The following MTMR3 variants were observed in gnomAD, a reference collection of about 807,000 sequenced individuals.
MTMR3 encodes the protein myotubularin related protein 3, also known as phosphatidylinositol-3,5-bisphosphate 3-phosphatase MTMR3.
A neutral mutation model predicts 132.4 loss-of-function variants in MTMR3; 32 were observed. That is an observed-to-expected ratio of 0.24 (90% CI 0.18 to 0.32). The LOEUF (loss-of-function observed/expected upper bound fraction) is 0.32. MTMR3 is among the 10% of genes least tolerant of loss of function. The pLI is 1.00. For missense variants in MTMR3, 1,216 were observed against 1,489.6 expected (o/e 0.82, Z 3.02); for synonymous variants, 556 against 550.3 (o/e 1.01, Z -0.14).
intron 15 of MTMR3, 81 bp downstream of exon 15, chr22:30,016,779 G>T: frequency 6.9e-7 from 1 of 1,453,896 alleles, no homozygotes; most frequent in Non-Finnish European, 9.3e-7. Flanking sequence ...TTTGAGTAGT[G>T]ACTGTTTTTG....
At chr22:30,007,400 A>T (rs1324982830) in intron 10 of MTMR3, 81 bp downstream of exon 10, 3 of 1,332,608 alleles carry the variant, frequency 2.3e-6, no homozygotes, top group African/African-American at 2.9e-5. Context: ...TCCTTACAAG[A>T]CATAGATTTA....
At chr22:29,934,269 G>A (rs1249774410) in intron 1 of MTMR3, among the ~76,000 whole-genome samples, 1 of 152,138 alleles carries the variant, frequency 6.6e-6, no homozygotes, top group African/African-American at 2.4e-5. Flanking sequence ...CAGGAGAATG[G>A]TGTGAACCTG....
chr22:29,889,567 G>A (rs1272475177), intron 1 of MTMR3, among the ~76,000 whole-genome samples: 6 of 151,790 alleles, frequency 4.0e-5, no homozygotes, highest in Admixed American at 6.6e-5. Flanking sequence ...GATTACAGGC[G>A]TGAGCCACTG....
At chr22:29,949,124 CACACACACACACACACA>C (rs2066009158) in intron 1 of MTMR3, among the ~76,000 whole-genome samples, 1 of 39,218 alleles carries the variant, frequency 2.5e-5, no homozygotes, top group African/African-American at 1.2e-4. Flanking sequence ...CACACACACA[CACACACACACACACACA>C]CACCCCCCCC....
chr22:29,902,009 G>A (rs2065010094), intron 1 of MTMR3, among the ~76,000 whole-genome samples: 2 of 152,118 alleles, frequency 1.3e-5, no homozygotes, highest in African/African-American at 4.8e-5. Context: ...TGCCATAAAA[G>A]CATTGATGCA....
chr22:30,022,312 C>T (rs1396013314), intron 18 of MTMR3, 173 bp downstream of exon 18: 1 of 620,076 alleles, frequency 1.6e-6, no homozygotes, highest in Non-Finnish European at 2.8e-6. Flanking sequence ...GATTTCTGAG[C>T]CAGGGAGACT....
chr22:29,913,307 G>A (rs567681142), intron 1 of MTMR3, among the ~76,000 whole-genome samples: 3 of 152,204 alleles, frequency 2.0e-5, no homozygotes, highest in East Asian at 3.9e-4. Flanking sequence ...TTCCTAAAGC[G>A]TACATTCCAA....
chr22:29,970,047 C>G (rs2066502440), intron 2 of MTMR3, among the ~76,000 whole-genome samples: 1 of 152,126 alleles, frequency 6.6e-6, no homozygotes, highest in Non-Finnish European at 1.5e-5. Context: ...TGAGACTGTT[C>G]AAAGAAAAGA....
At chr22:29,974,872 T>G (rs1192538513) in intron 3 of MTMR3, among the ~76,000 whole-genome samples, 1 of 152,186 alleles carries the variant, frequency 6.6e-6, no homozygotes, top group East Asian at 1.9e-4. Flanking sequence ...TATGTAAGAT[T>G]TTTGCTCCCC....
At chr22:29,976,732 C>G (rs1363631749) in intron 3 of MTMR3, among the ~76,000 whole-genome samples, 1 of 152,078 alleles carries the variant, frequency 6.6e-6, no homozygotes, top group Admixed American at 6.6e-5. Flanking sequence ...GTTTTGACCT[C>G]GCAGGGCCCC....
chr22:29,953,937 A>T (rs2066131831), intron 1 of MTMR3, among the ~76,000 whole-genome samples: 1 of 152,172 alleles, frequency 6.6e-6, no homozygotes, highest in Non-Finnish European at 1.5e-5. Flanking sequence ...TTACCCAAAC[A>T]TAACTACTCT....
intron 1 of MTMR3, among the ~76,000 whole-genome samples, chr22:29,916,388 A>G (rs58967191): frequency 0.016 from 2,447 of 152,286 alleles, 64 homozygotes; most frequent in African/African-American, 0.056. Flanking sequence ...TGCCTCACAA[A>G]TTACAGCTGC....
At chr22:29,949,537 T>TA (rs778111291) in intron 1 of MTMR3, among the ~76,000 whole-genome samples, 25 of 120,224 alleles carry the variant, frequency 2.1e-4, no homozygotes, top group Non-Finnish European at 3.3e-4. Context: ...CACGTACACA[T>TA]AAACCCACAA....
At chr22:30,016,231 A>G (rs13055998) in intron 14 of MTMR3, 18,281 of 327,946 alleles carry the variant, frequency 0.056, 1,191 homozygotes, top group South Asian at 0.22. Flanking sequence ...GTGCTCCTGC[A>G]CCCAGTTCAT....
At chr22:29,964,163 TTTA>T (rs1659947636) in intron 2 of MTMR3, among the ~76,000 whole-genome samples, 1 of 152,182 alleles carries the variant, frequency 6.6e-6, no homozygotes, top group Admixed American at 6.5e-5. Context: ...TATATCTAAT[TTTA>T]AGAAGTATTA....
intron 1 of MTMR3, among the ~76,000 whole-genome samples, chr22:29,946,517 A>G (rs2065956518): frequency 6.6e-6 from 1 of 152,212 alleles, no homozygotes; most frequent in Non-Finnish European, 1.5e-5. Flanking sequence ...GAATGGTTTC[A>G]GACTGTTAAT....
intron 1 of MTMR3, among the ~76,000 whole-genome samples, chr22:29,895,399 T>C (rs1193893917): frequency 1.2e-4 from 19 of 152,224 alleles, no homozygotes; most frequent in Admixed American, 1.2e-3. Flanking sequence ...TTTATACCTG[T>C]AGTATAAAAA....
intron 1 of MTMR3, among the ~76,000 whole-genome samples, chr22:29,892,074 A>G (rs907386620): frequency 1.3e-5 from 2 of 151,560 alleles, no homozygotes; most frequent in African/African-American, 4.9e-5. Flanking sequence ...AATCTCTTGA[A>G]CCCAGGAGGC....
At chr22:29,957,384 C>G (rs1160115032) in intron 2 of MTMR3, among the ~76,000 whole-genome samples, 3 of 149,530 alleles carry the variant, frequency 2.0e-5, no homozygotes, top group Non-Finnish European at 4.4e-5. Flanking sequence ...AATCATTTGT[C>G]TAAAATAAAT....
Sources: gnomAD v4.1 joint callset for allele counts (sites outside exome capture counted in the v4.1 genomes callset) on GRCh38, gnomAD v4.1.1 for gene constraint, MANE v1.5 for transcripts, NCBI Gene and HGNC (gene_info 2026-07-23, HGNC 2026-07-21) for gene names.